HNMT: variants seen among roughly 807,000 people sequenced by gnomAD.
HNMT encodes the protein histamine N-methyltransferase.
In HNMT, 30 loss-of-function variants were observed where a neutral mutation model predicts 32.1. The observed-to-expected ratio is 0.93, with a 90% CI of 0.70 to 1.27. HNMT has a LOEUF of 1.27. Among genes scored for constraint, HNMT ranks in the 50% most tolerant of loss-of-function variants. The pLI is 0.00. For synonymous variants in HNMT, 125 were observed against 119.0 expected, an observed-to-expected ratio of 1.05 and a Z score of -0.33; for missense variants, 327 against 346.0, an observed-to-expected ratio of 0.95 and a Z score of 0.43.
At chr2:137,976,409 C>T (rs1228553609) in intron 2 of HNMT, among the ~76,000 whole-genome samples, 2 of 152,052 alleles carry the variant, frequency 1.3e-5, no homozygotes, top group Non-Finnish European at 2.9e-5. Flanking sequence ...GACTTAGGCA[C>T]TGATTTTCTT....
In HNMT at chr2:138,005,187, T is replaced by A; in HGVS notation, c.485T>A (p.Leu162Ter). Reference sequence around the variant, plus strand: ...ACCCTGAAATTCTTCCATAGTCTCTTAGGTACCAATGCTAAGATGCTCATT... The same window carrying A: ...ACCCTGAAATTCTTCCATAGTCTCTAAGGTACCAATGCTAAGATGCTCATT... ...PATLKFFHSL[L>*]GTNAKMLIIV... The change falls in exon 5 of 6, where the codon TTA (leucine) becomes TAA (stop). Residue 162 changes from leucine to a stop codon, truncating the protein, a stop_gained. Coordinates refer to ENST00000280097, the MANE Select transcript of HNMT (RefSeq NM_006895.3). LOFTEE classifies it high-confidence loss of function. The A allele has an allele frequency of 6.2e-7, 1 of 1,603,848 alleles. No individual in the cohort carries two copies. Among genetic ancestry groups the A allele is most frequent in the Non-Finnish European group, 8.5e-7 (1 of 1,171,242 alleles).
chr2:137,966,208 A>G (rs1679952840), intron 1 of HNMT, among the ~76,000 whole-genome samples: 1 of 152,056 alleles, frequency 6.6e-6, no homozygotes. Flanking sequence ...GAGCGAGCCT[A>G]TTAAATTTTT....
intron 5 of HNMT, among the ~76,000 whole-genome samples, chr2:138,008,621 G>A (rs1681401399): frequency 1.3e-5 from 2 of 151,824 alleles, no homozygotes; most frequent in Admixed American, 1.3e-4. Flanking sequence ...AAATAAGGCC[G>A]CACACCTACG....
chr2:137,980,143 C>G (rs1680444688), intron 2 of HNMT, among the ~76,000 whole-genome samples: 1 of 151,820 alleles, frequency 6.6e-6, no homozygotes, highest in African/African-American at 2.4e-5. Flanking sequence ...TCATGCCATT[C>G]TCCTGCCTCG....
At chr2:137,969,070 C>T (rs1222150288) in intron 1 of HNMT, among the ~76,000 whole-genome samples, 2 of 152,194 alleles carry the variant, frequency 1.3e-5, no homozygotes, top group Non-Finnish European at 2.9e-5. Context: ...TAAAGACACT[C>T]GTATTGCCAA....
intron 5 of HNMT, among the ~76,000 whole-genome samples, chr2:138,009,088 G>A (rs1416607972): frequency 6.6e-6 from 1 of 151,822 alleles, no homozygotes; most frequent in Non-Finnish European, 1.5e-5. Context: ...GTGGGCAAAG[G>A]ACATGAATAA....
chr2:137,967,043 A>T, intron 1 of HNMT: 8 of 779,732 alleles, frequency 1.0e-5, no homozygotes, highest in Non-Finnish European at 1.7e-5. Context: ...AGAACTCTAT[A>T]CTGAAAATGG....
chr2:137,992,581 G>C (rs1680855782), intron 2 of HNMT, among the ~76,000 whole-genome samples: 1 of 152,160 alleles, frequency 6.6e-6, no homozygotes, highest in South Asian at 2.1e-4. Flanking sequence ...TGTGTCCCTA[G>C]GGGGAGGGAT....
chr2:137,970,919 C>CAA (rs1179144967), intron 2 of HNMT, among the ~76,000 whole-genome samples: 1 of 18,348 alleles, frequency 5.5e-5, no homozygotes, highest in African/African-American at 2.2e-4. Context: ...GACTACGTCT[C>CAA]AAAAAAAAAA....
chr2:138,000,993 A>G lies in HNMT; in HGVS notation c.266A>G (p.Glu89Gly). Residue 89 changes from glutamate (E) to glycine (G), a missense_variant, in exon 3 of 6, where the codon GAG (glutamate) becomes GGG (glycine). Coordinates refer to ENST00000280097, the MANE Select transcript of HNMT (RefSeq NM_006895.3). ...PGVCINNEVVEPSAEQIAKYK... is the reference protein window; with the variant it reads ...PGVCINNEVVGPSAEQIAKYK... ...GTTTGTATCAACAATGAAGTTGTTGAGCCAAGTGCTGAACAAATTGCCAAA... is the reference window on the plus strand; with the variant it reads ...GTTTGTATCAACAATGAAGTTGTTGGGCCAAGTGCTGAACAAATTGCCAAA... The G allele has an allele frequency of 6.2e-7, 1 of 1,608,640 alleles. No individual in the cohort carries two copies. Among genetic ancestry groups the G allele is most frequent in the South Asian group, 1.1e-5 (1 of 89,988 alleles).
rs1435141992 is a variant in HNMT at position 138,013,860 on chromosome 2, C to A, written c.609C>A (p.Asp203Glu). 1 of 1,613,580 alleles carries A rather than the reference C, an allele frequency of 6.2e-7. No individual in the cohort carries two copies. ...TCTGCCAGTATATCACATCAGATGA[C>A]CTCACTCAGATGCTGGACAACCTAG... ...DDLCQYITSD[D>E]LTQMLDNLGL... Residue 203 changes from aspartate (D) to glutamate (E), a missense_variant, in exon 6 of 6, where the codon GAC becomes GAA. Transcript: ENST00000280097.
Position 138,013,789 on chromosome 2 carries a change from G to T in HNMT, c.538G>T (p.Asp180Tyr), listed in dbSNP as rs1160735706. 1 of 1,611,322 alleles carries T rather than the reference G, an allele frequency of 6.2e-7. No homozygotes were observed. The highest frequency in any genetic ancestry group is 1.3e-5 in the African/African-American group (1 of 74,848). ...TTATTGCACAGGAAGCAGTGGCTGG[G>T]ACAAGCTGTGGAAAAAGTACGGATC... ...IIVVSGSSGW[D>Y]KLWKKYGSRF... The change falls in exon 6 of 6, where the codon GAC becomes TAC. Residue 180 changes from aspartate (D) to tyrosine (Y), a missense_variant. By Grantham distance (160) the Asp-to-Tyr change is radical (BLOSUM62 -3). Coordinates refer to ENST00000280097, the MANE Select transcript of HNMT (RefSeq NM_006895.3).
intron 2 of HNMT, among the ~76,000 whole-genome samples, chr2:137,979,315 G>A (rs1680408725): frequency 6.6e-6 from 1 of 151,464 alleles, no homozygotes. Flanking sequence ...CTGTCGCCCA[G>A]GCTGGAGTGC....
intron 2 of HNMT, among the ~76,000 whole-genome samples, chr2:137,975,615 C>T (rs1205703342): frequency 1.3e-5 from 2 of 152,120 alleles, no homozygotes; most frequent in Non-Finnish European, 2.9e-5. Context: ...TGTCTCCTTT[C>T]ATAAATAACA....
At chr2:137,972,703 T>C (rs1327664544) in intron 2 of HNMT, among the ~76,000 whole-genome samples, 2 of 152,206 alleles carry the variant, frequency 1.3e-5, no homozygotes, top group African/African-American at 4.8e-5. Context: ...TTCCTGTGTG[T>C]TTTGGATATG....
chr2:138,013,663 A>C lies in HNMT; in HGVS notation c.524-112A>C, dbSNP rs954059047. ...CTGTACTCCTTGAAATATGAGCTGCACAAAGGACAAGATTATTATTTTGTT... is the reference window on the plus strand; with the variant it reads ...CTGTACTCCTTGAAATATGAGCTGCCCAAAGGACAAGATTATTATTTTGTT... On this transcript the variant is annotated intron_variant, in intron 5 of 5. Coordinates refer to ENST00000280097, the MANE Select transcript of HNMT (RefSeq NM_006895.3). 6.7e-6 allele frequency: 5 copies of C among 748,298 alleles called. No homozygotes were observed. In the African/African-American group the frequency reaches 7.1e-5, roughly 11 times the overall value. The allele number at this position is 748,298 out of a possible 1,614,324, so 46.4% of individuals were successfully genotyped here. A position where few individuals can be genotyped will look rare whatever the true frequency, so the allele number is the denominator to read the frequency against.
At chr2:138,002,432 T>TA (rs1241617946) in intron 4 of HNMT, 2 of 890,270 alleles carry the variant, frequency 2.2e-6, no homozygotes, top group African/African-American at 1.8e-5. Context: ...TATCCATTTT[T>TA]AAAAATGTTG....
chr2:137,969,053 C>T (rs1449222172), intron 1 of HNMT, among the ~76,000 whole-genome samples: 2 of 152,126 alleles, frequency 1.3e-5, no homozygotes, highest in East Asian at 1.9e-4. Flanking sequence ...TTTACAACTG[C>T]CATTACTAAA....
intron 5 of HNMT, among the ~76,000 whole-genome samples, chr2:138,009,945 A>G (rs915665059): frequency 1.3e-5 from 2 of 152,058 alleles, no homozygotes; most frequent in Non-Finnish European, 2.9e-5. Context: ...AACATTTCCT[A>G]AAGTTGAATA....
Sources: allele counts gnomAD v4.1 joint callset (sites outside exome capture counted in the v4.1 genomes callset), GRCh38; gene constraint gnomAD v4.1.1; transcripts MANE v1.5; gene names NCBI Gene and HGNC (gene_info 2026-07-23, HGNC 2026-07-21).